ANXA9: variants seen among roughly 807,000 people sequenced by gnomAD.
ANXA9 encodes the protein annexin A9.
A neutral mutation model predicts 51.8 loss-of-function variants in ANXA9; 47 were observed. That is an observed-to-expected ratio of 0.91 (90% CI 0.72 to 1.16). The LOEUF (loss-of-function observed/expected upper bound fraction) is 1.16. Ranked by LOEUF, ANXA9 falls within the 50% of genes most tolerant of loss-of-function variation. ANXA9 has a pLI of 0.00. For missense variants in ANXA9, 361 were observed against 424.7 expected (o/e 0.85, Z 1.32); for synonymous variants, 154 against 168.7 (o/e 0.91, Z 0.68).
In ANXA9 at chr1:150,992,129, T is replaced by C. The variant is rs147701313; in HGVS notation, c.853-2448T>C. 4.6e-5 allele frequency among the ~76,000 whole-genome samples: 7 copies of C among 152,320 alleles called. No homozygotes were observed. In the East Asian group the frequency reaches 9.6e-4, roughly 21 times the overall value. ...AAACATAAATTGTGAAGAATATTTA[T>C]TCAGAAAAACAACCTTCAGAAAATC... is the stretch of plus-strand genomic sequence containing the variant. On this transcript the variant is annotated intron_variant, in intron 12 of 13. Coordinates refer to ENST00000368947, the MANE Select transcript of ANXA9 (RefSeq NM_003568.3).
At chr1:150,977,815 A>G (rs1327702524), upstream of ANXA9, among the ~76,000 whole-genome samples, 4 of 152,242 alleles carry the variant, frequency 2.6e-5, no homozygotes, top group East Asian at 7.7e-4. Context: ...GTATTCTGAA[A>G]TCAGGCAATG....
chr1:150,978,241 G>T (rs957035263), upstream of ANXA9, among the ~76,000 whole-genome samples: 1 of 152,102 alleles, frequency 6.6e-6, no homozygotes, highest in South Asian at 2.1e-4. Context: ...GACCAGCCTG[G>T]CCAACATGGT....
Position 150,984,020 on chromosome 1 carries a change from GA to G in ANXA9, c.219del (p.Glu74SerfsTer18), listed in dbSNP as rs1671488890. On this transcript the variant is annotated frameshift_variant, in exon 5 of 14. Transcript: ENST00000368947. LOFTEE classifies it high-confidence loss of function. ...GTGGACGTGCTGACCAACCGGAGCA[GA>G]GAGCAAAGGCAGCTCATCTCACGAA... is the stretch of plus-strand genomic sequence containing the variant. ...AIVDVLTNRS[R>X]EQRQLISRNF... 3 of 1,612,410 alleles carry G rather than the reference GA, an allele frequency of 1.9e-6. No homozygotes were observed. The highest frequency in any genetic ancestry group is 2.5e-6 in the Non-Finnish European group (3 of 1,179,608).
chr1:150,988,423 T>C, intron 12 of ANXA9, 82 bp downstream of exon 12: 1 of 1,515,378 alleles, frequency 6.6e-7, no homozygotes, highest in Non-Finnish European at 9.1e-7. Context: ...TATGTAACCA[T>C]CCTATATACA....
In ANXA9 at chr1:150,994,577, G is replaced by A. The variant is rs771931481; in HGVS notation, c.853G>A (p.Glu285Lys). The change falls in exon 13 of 14, where the codon GAA (glutamate) becomes AAA (lysine). Residue 285 changes from glutamate to lysine, a missense_variant and splice_region_variant. Glu to Lys is a moderately conservative substitution (Grantham distance 56). Transcript: ENST00000368947. ...FADKLHQALQ[E>K]TEPNYQVLIR... is the part of the protein sequence containing the mutation. ...CCCCATCTCTTTCTTCCCCTACTAG[G>A]AAACTGAGCCCAATTACCAAGTCCT... The A allele has an allele frequency of 1.1e-5, 17 of 1,613,520 alleles. No homozygotes were observed. In the South Asian group the frequency reaches 1.9e-4, roughly 18 times the overall value.
Position 150,984,587 on chromosome 1 carries a change from C to T in ANXA9, c.383C>T (p.Ala128Val), listed in dbSNP as rs1291921611. 1.2e-6 allele frequency: 2 copies of T among 1,613,892 alleles called. No individual in the cohort carries two copies. The highest frequency in any genetic ancestry group is 1.7e-6 in the Non-Finnish European group (2 of 1,179,862). The change falls in exon 7 of 14, where the codon GCC (alanine) becomes GTC (valine). Residue 128 changes from alanine to valine, a missense_variant and splice_region_variant. Physicochemically the swap from Ala to Val is moderately conservative, Grantham distance 64. Transcript: ENST00000368947. ...DAQELRTALK[A>V]SDSAVDVAIE... is the part of the protein sequence containing the mutation. ...GAGTAGACTCCCAATTTCTTGTAGG[C>T]CTCAGATTCTGCTGTGGACGTGGCC...
chr1:150,988,109 G>A lies in ANXA9; in HGVS notation c.716G>A (p.Arg239Gln), dbSNP rs370979889. ...ACACAAGTGTTTGATCAGTACCAGCGGAGCACTGGGCAAGAGCTGGAGGAG... is the reference window on the plus strand; with the variant it reads ...ACACAAGTGTTTGATCAGTACCAGCAGAGCACTGGGCAAGAGCTGGAGGAG... ...HLIRVFDQYQ[R>Q]STGQELEEAV... is the part of the protein sequence containing the mutation. Residue 239 changes from arginine (R) to glutamine (Q), a missense_variant, in exon 11 of 14, where the codon CGG (arginine) becomes CAG (glutamine). Coordinates refer to ENST00000368947, the MANE Select transcript of ANXA9 (RefSeq NM_003568.3). 40 of 1,614,044 alleles carry A rather than the reference G, an allele frequency of 2.5e-5. No individual in the cohort carries two copies. The highest frequency in any genetic ancestry group is 3.3e-5 in the South Asian group (3 of 91,090).
At chr1:150,981,804 C>G (rs765068583), upstream of ANXA9, among the ~76,000 whole-genome samples, 1 of 152,228 alleles carries the variant, frequency 6.6e-6, no homozygotes, top group South Asian at 2.1e-4. Context: ...AGTAAGGCAG[C>G]AGTCAAGGGA....
At chr1:150,993,288 T>C (rs587709388) in intron 12 of ANXA9, among the ~76,000 whole-genome samples, 76 of 152,258 alleles carry the variant, frequency 5.0e-4, no homozygotes, top group African/African-American at 1.7e-3. Flanking sequence ...AGGATTTTGA[T>C]GACTTGTACC....
Position 150,984,283 on chromosome 1 carries a change from C to T in ANXA9, c.270C>T (p.Asp90=), listed in dbSNP as rs1441719006. The T allele has an allele frequency of 6.2e-7, 1 of 1,613,480 alleles. No individual in the cohort carries two copies. Among genetic ancestry groups the T allele is most frequent in the Non-Finnish European group, 8.5e-7 (1 of 1,179,540 alleles). Reference sequence around the variant, plus strand: ...GCTGTGAGGACCATTTATTGTAGGACCTGATGAAGTCTCTACAGGCAGCAC... The same window carrying T: ...GCTGTGAGGACCATTTATTGTAGGATCTGATGAAGTCTCTACAGGCAGCAC... ...SRNFQERTQQ[D]LMKSLQAALS... The change falls in exon 6 of 14, where the codon GAC becomes GAT. Residue 90 remains aspartate, a splice_region_variant and synonymous_variant. Coordinates refer to ENST00000368947, the MANE Select transcript of ANXA9 (RefSeq NM_003568.3).
In ANXA9 at chr1:150,995,532, C is replaced by A. The variant is rs1399113618; in HGVS notation, c.*210C>A. ...CTGTACCTGGGTCATCCAGCTCCTT[C>A]TTGGGTGTGGGGAAATGAGTTTTCT... On this transcript the variant is annotated 3_prime_UTR_variant, in exon 14 of 14. Transcript: ENST00000368947. 3 of 486,408 alleles carry A rather than the reference C, an allele frequency of 6.2e-6. No homozygotes were observed. The highest frequency in any genetic ancestry group is 3.3e-5 in the South Asian group (1 of 30,018). 30.1% of individuals were successfully genotyped at this position (486,408 alleles called of 1,614,324 possible). A position where few individuals can be genotyped will look rare whatever the true frequency, so the allele number is the denominator to read the frequency against.
intron 13 of ANXA9, 166 bp downstream of exon 13, chr1:150,994,865 G>A: frequency 1.0e-6 from 1 of 956,058 alleles, no homozygotes; most frequent in Non-Finnish European, 1.2e-6. Context: ...AGGCTGAGGT[G>A]GGCGGATCAC....
At chr1:150,988,247 A>G in intron 11 of ANXA9, 36 bp from the exon 12 acceptor site, 1 of 1,614,160 alleles carries the variant, frequency 6.2e-7, no homozygotes, top group Non-Finnish European at 8.5e-7. Context: ...TTGTGGTCCT[A>G]GTTGTGAACC....
Position 150,988,320 on chromosome 1 carries a change from C to T in ANXA9, c.831C>T (p.Asp277=). 6.8e-6 allele frequency: 11 copies of T among 1,614,134 alleles called. No homozygotes were observed. The highest frequency in any genetic ancestry group is 9.3e-6 in the Non-Finnish European group (11 of 1,180,020). Reference sequence around the variant, plus strand: ...AGAACACACCGCTGTACTTTGCTGACAAACTTCATCAAGCCCTCCAGGTGA... The same window carrying T: ...AGAACACACCGCTGTACTTTGCTGATAAACTTCATCAAGCCCTCCAGGTGA... ...VIKNTPLYFA[D]KLHQALQETE... Residue 277 remains aspartate (D), a synonymous_variant, in exon 12 of 14, where the codon GAC becomes GAT. Coordinates refer to ENST00000368947, the MANE Select transcript of ANXA9 (RefSeq NM_003568.3).
intron 12 of ANXA9, among the ~76,000 whole-genome samples, chr1:150,988,828 C>T (rs1671631184): frequency 6.6e-6 from 1 of 152,024 alleles, no homozygotes; most frequent in South Asian, 2.1e-4. Context: ...CTTGAGGTCA[C>T]GTAGCTAGTA....
chr1:150,993,403 G>A (rs1451202619), intron 12 of ANXA9, among the ~76,000 whole-genome samples: 17 of 151,782 alleles, frequency 1.1e-4, no homozygotes, highest in Non-Finnish European at 1.9e-4. Flanking sequence ...CCGCCTCCCA[G>A]GTTCAAGCAA....
intron 10 of ANXA9, 45 bp downstream of exon 10, chr1:150,988,001 G>C: frequency 6.2e-7 from 1 of 1,613,868 alleles, no homozygotes; most frequent in South Asian, 1.1e-5. Flanking sequence ...CTAATGATCA[G>C]TTTGGGCTGA....
chr1:150,995,285 C>T lies in ANXA9; in HGVS notation c.1001C>T (p.Ser334Leu), dbSNP rs1304889080. ...LQDAVKGDCQ[S>L]ALLALCRAED... ...GATGCAGTGAAAGGGGATTGCCAGT[C>T]AGCCCTCCTGGCCTTGTGCAGGGCT... The change falls in exon 14 of 14, where the codon TCA becomes TTA. Residue 334 changes from serine (S) to leucine (L), a missense_variant. Coordinates refer to ENST00000368947, the MANE Select transcript of ANXA9 (RefSeq NM_003568.3). The T allele has an allele frequency of 1.9e-6, 3 of 1,610,836 alleles. No individual in the cohort carries two copies. The highest frequency in any genetic ancestry group is 2.5e-6 in the Non-Finnish European group (3 of 1,178,386).
chr1:150,979,262 G>A (rs889927508), upstream of ANXA9, among the ~76,000 whole-genome samples: 2 of 151,762 alleles, frequency 1.3e-5, no homozygotes, highest in African/African-American at 4.8e-5. Context: ...CTGGCATGCC[G>A]GCCAGGAGCC....
Sources: allele counts gnomAD v4.1 joint callset (sites outside exome capture counted in the v4.1 genomes callset), GRCh38; gene constraint gnomAD v4.1.1; transcripts MANE v1.5; gene names NCBI Gene and HGNC (gene_info 2026-07-23, HGNC 2026-07-21).